Variants in BCO1 observed in about 807,000 individuals in gnomAD.
BCO1 encodes the protein beta,beta-carotene 15,15'-dioxygenase.
In BCO1, 54 loss-of-function variants were observed where a neutral mutation model predicts 56.3. That is an observed-to-expected ratio of 0.96 (90% CI 0.77 to 1.20). BCO1 has a LOEUF of 1.20. BCO1 is among the 50% of genes most tolerant of loss of function. The pLI, the probability that BCO1 is intolerant of heterozygous loss-of-function variation, is 0.00. For missense variants in BCO1, 801 were observed against 690.9 expected, an observed-to-expected ratio of 1.16 and a Z score of -1.79; for synonymous variants, 318 against 266.1, an observed-to-expected ratio of 1.20 and a Z score of -1.90.
intron 2 of BCO1, among the ~76,000 whole-genome samples, chr16:81,255,519 A>C (rs989034587): frequency 3.3e-5 from 5 of 150,114 alleles, no homozygotes; most frequent in African/African-American, 9.9e-5. Flanking sequence ...TATTTTTTTG[A>C]GATGGAGTCT....
intron 1 of BCO1, among the ~76,000 whole-genome samples, chr16:81,240,477 G>C (rs1029320961): frequency 6.6e-6 from 1 of 152,110 alleles, no homozygotes; most frequent in African/African-American, 2.4e-5. Flanking sequence ...AGGCCAAAGA[G>C]GGTGGATCAC....
intron 10 of BCO1, among the ~76,000 whole-genome samples, chr16:81,289,527 G>A (rs1393773732): frequency 6.6e-6 from 1 of 152,122 alleles, no homozygotes; most frequent in Non-Finnish European, 1.5e-5. Context: ...TGTAGTCCCA[G>A]CTACTTGGAG....
Position 81,285,618 on chromosome 16 carries a change from G to C in BCO1, c.1286G>C (p.Ser429Thr), listed in dbSNP as rs564100060. Residue 429 changes from serine (S) to threonine (T), a missense_variant, in exon 9 of 11, where the codon AGT (serine) becomes ACT (threonine). By Grantham distance (58) the Ser-to-Thr change is moderately conservative (BLOSUM62 1). Transcript: ENST00000258168. ...RYVFATGVQWSPIPTKIIKYD... is the reference protein window; with the variant it reads ...RYVFATGVQWTPIPTKIIKYD... ...GTCTTTGCTACAGGAGTTCAGTGGA[G>C]TCCAATCCCAACCAAGGTACTGGTC... 1.8e-5 allele frequency: 29 copies of C among 1,608,582 alleles called. No individual in the cohort carries two copies. In the South Asian group the frequency reaches 2.9e-4, roughly 16 times the overall value.
In BCO1 at chr16:81,277,102, T is replaced by A. The variant is rs578120987; in HGVS notation, c.1102-3755T>A. Among the ~76,000 whole-genome samples the A allele has an allele frequency of 5.4e-3, 811 of 151,566 alleles. 4 individuals carry two copies. The highest frequency in any genetic ancestry group is 6.8e-3 in the African/African-American group (282 of 41,362). On this transcript the variant is annotated intron_variant, in intron 7 of 10. Transcript: ENST00000258168. ...AAAAAAAAGTAAAATAAAATAAAAT[T>A]AAATTTAAATCGCAACATATGGCTA...
At chr16:81,265,882 C>A (rs1173041472) in intron 5 of BCO1, among the ~76,000 whole-genome samples, 1 of 138,882 alleles carries the variant, frequency 7.2e-6, no homozygotes, top group Non-Finnish European at 1.6e-5. Context: ...TATCCATCTA[C>A]CATCCATCCA....
At chr16:81,274,710 T>A (rs1907448810) in intron 7 of BCO1, among the ~76,000 whole-genome samples, 3 of 152,252 alleles carry the variant, frequency 2.0e-5, no homozygotes, top group African/African-American at 7.2e-5. Context: ...AAACCCTGTC[T>A]CTGCTAAAAA....
chr16:81,247,074 C>T (rs1188272645), intron 2 of BCO1, among the ~76,000 whole-genome samples: 1 of 152,040 alleles, frequency 6.6e-6, no homozygotes, highest in East Asian at 1.9e-4. Flanking sequence ...GGCCATTGAG[C>T]CAGTTTATGC....
intron 5 of BCO1, among the ~76,000 whole-genome samples, chr16:81,265,054 A>G (rs1906725636): frequency 6.6e-6 from 1 of 152,012 alleles, no homozygotes; most frequent in African/African-American, 2.4e-5. Context: ...CCCATCTACC[A>G]TCCATCCATC....
rs752187886 is a variant in BCO1 at position 81,245,489 on chromosome 16, T to C, written c.79T>C (p.Trp27Arg). The C allele has an allele frequency of 1.2e-6, 2 of 1,614,242 alleles. No homozygotes were observed. The highest frequency in any genetic ancestry group is 1.1e-5 in the South Asian group (1 of 91,088). Reference protein sequence around the residue: ...RAKVTGKIPAWLQGTLLRNGP... With the variant: ...RAKVTGKIPARLQGTLLRNGP... ...TCTTTTCTCAGGCAAGATTCCAGCA[T>C]GGCTGCAGGGAACCCTGCTCCGCAA... The change falls in exon 2 of 11, where the codon TGG becomes CGG. Residue 27 changes from tryptophan to arginine, a missense_variant. By Grantham distance (101) the Trp-to-Arg change is moderately radical. Transcript: ENST00000258168.
chr16:81,272,243 A>G (rs1225240061), intron 7 of BCO1, among the ~76,000 whole-genome samples: 1 of 150,226 alleles, frequency 6.7e-6, no homozygotes, highest in Admixed American at 6.7e-5. Context: ...CCTCCCAAGT[A>G]GCTGGGACTA....
chr16:81,245,547 G>C lies in BCO1; in HGVS notation c.137G>C (p.Arg46Thr). The change falls in exon 2 of 11, where the codon AGA (arginine) becomes ACA (threonine). Residue 46 changes from arginine to threonine, a missense_variant. Transcript: ENST00000258168. Reference sequence around the variant, plus strand: ...GGGATGCACACAGTTGGGGAGTCCAGATACAACCATTGGTTCGACGGCCTT... The same window carrying C: ...GGGATGCACACAGTTGGGGAGTCCACATACAACCATTGGTTCGACGGCCTT... ...GPGMHTVGES[R>T]YNHWFDGLAL... 1.2e-6 allele frequency: 2 copies of C among 1,613,820 alleles called. No individual in the cohort carries two copies. Among genetic ancestry groups the C allele is most frequent in the Non-Finnish European group, 1.7e-6 (2 of 1,179,720 alleles).
At chr16:81,259,481 C>T (rs1231078682) in intron 2 of BCO1, among the ~76,000 whole-genome samples, 195 bp from the exon 3 acceptor site, 1 of 151,756 alleles carries the variant, frequency 6.6e-6, no homozygotes, top group African/African-American at 2.4e-5. Flanking sequence ...GCAACAAGAG[C>T]AAAACTCAAA....
At chr16:81,245,694 T>C in intron 2 of BCO1, 91 bp downstream of exon 2, 3 of 1,540,184 alleles carry the variant, frequency 1.9e-6, no homozygotes, top group Middle Eastern at 2.1e-4. Context: ...CTTTTAGGGA[T>C]TGGAGGTCAG....
At chr16:81,277,379 T>C (rs1907621592) in intron 7 of BCO1, among the ~76,000 whole-genome samples, 2 of 152,180 alleles carry the variant, frequency 1.3e-5, no homozygotes, top group Non-Finnish European at 2.9e-5. Flanking sequence ...TGCCCAACTT[T>C]TTAGAATCAT....
At chr16:81,282,865 T>C (rs1180617277) in intron 8 of BCO1, among the ~76,000 whole-genome samples, 2 of 152,202 alleles carry the variant, frequency 1.3e-5, no homozygotes, top group Non-Finnish European at 2.9e-5. Flanking sequence ...TCTCAGACTC[T>C]CTCATTTCAT....
chr16:81,280,861 C>T lies in BCO1; in HGVS notation c.1106C>T (p.Ala369Val). ...TTGAAAACTGAATTTTTTCAGAATG[C>T]AGAAGTGGGCACAAATTTAATCAAA... The part of the protein sequence containing the change: ...FAVPLHVDKN[A>V]EVGTNLIKVA... The change falls in exon 8 of 11, where the codon GCA becomes GTA. Residue 369 changes from alanine (A) to valine (V), a missense_variant. Coordinates refer to ENST00000258168, the MANE Select transcript of BCO1 (RefSeq NM_017429.3). 1 of 1,612,070 alleles carries T rather than the reference C, an allele frequency of 6.2e-7. No homozygotes were observed. Among genetic ancestry groups the T allele is most frequent in the Non-Finnish European group, 8.5e-7 (1 of 1,178,144 alleles).
At chr16:81,257,321 G>A (rs1430026914) in intron 2 of BCO1, among the ~76,000 whole-genome samples, 2 of 152,078 alleles carry the variant, frequency 1.3e-5, no homozygotes, top group Non-Finnish European at 2.9e-5. Context: ...CTATAGGGCA[G>A]TGGCGCGATC....
intron 3 of BCO1, among the ~76,000 whole-genome samples, chr16:81,260,745 G>T (rs1906434551): frequency 6.6e-6 from 1 of 152,176 alleles, no homozygotes; most frequent in African/African-American, 2.4e-5. Context: ...CTGATCTTAG[G>T]TGATCCACCC....
At position 81,270,424 on chromosome 16, in the gene BCO1, C is replaced by T. The variant is rs761208937; in HGVS notation, c.1101+8C>T. ...CCCCTCCACGTGGACAAGGTAATGGCTTCCAAGGAGGTCCCTTTTCTTTCT... is the reference window on the plus strand; with the variant it reads ...CCCCTCCACGTGGACAAGGTAATGGTTTCCAAGGAGGTCCCTTTTCTTTCT... On this transcript the variant is annotated splice_region_variant and intron_variant, in intron 7 of 10. Coordinates refer to ENST00000258168, the MANE Select transcript of BCO1 (RefSeq NM_017429.3). 4 of 1,613,754 alleles carry T rather than the reference C, an allele frequency of 2.5e-6. No homozygotes were observed. The highest frequency in any genetic ancestry group is 3.3e-5 in the Admixed American group (2 of 59,966).
Sources: gnomAD v4.1 joint callset for allele counts (sites outside exome capture counted in the v4.1 genomes callset) on GRCh38, gnomAD v4.1.1 for gene constraint, MANE v1.5 for transcripts, NCBI Gene and HGNC (gene_info 2026-07-23, HGNC 2026-07-21) for gene names.